Variants in NBPF11 observed in about 807,000 individuals in gnomAD.
The protein encoded by NBPF11 is NBPF member 11, also known as NBPF family member NBPF11.
Under a neutral mutation model 93.9 loss-of-function variants are expected in NBPF11, and 72 were observed. The observed-to-expected ratio is 0.77, with a 90% CI of 0.63 to 0.93. NBPF11 has a LOEUF of 0.93. NBPF11 is among the 40% of genes least tolerant of loss of function. NBPF11 has a pLI of 0.00. For missense variants in NBPF11, 705 were observed against 802.2 expected, an observed-to-expected ratio of 0.88 and a Z score of 1.46; for synonymous variants, 224 against 304.9, an observed-to-expected ratio of 0.73 and a Z score of 2.76.
At chr1:148,114,872 G>A (rs1379937412) in intron 14 of NBPF11, among the ~76,000 whole-genome samples, 3 of 151,484 alleles carry the variant, frequency 2.0e-5, no homozygotes, top group Non-Finnish European at 2.9e-5. Flanking sequence ...CATGAAACAC[G>A]ACTGATAGAT....
At chr1:148,137,135 T>C (rs1288523013) in intron 3 of NBPF11, among the ~76,000 whole-genome samples, 3 of 151,992 alleles carry the variant, frequency 2.0e-5, no homozygotes, top group Non-Finnish European at 4.4e-5. Context: ...GCCAGTTATA[T>C]GACTTTAAGA....
chr1:148,146,629 A>T (rs1673145086), intron 1 of NBPF11: 10 of 1,611,190 alleles, frequency 6.2e-6, no homozygotes. Context: ...CTTCCAGTAC[A>T]GCCAGCGCGA....
chr1:148,113,366 A>G (rs1400822833), intron 15 of NBPF11, among the ~76,000 whole-genome samples: 48 of 152,002 alleles, frequency 3.2e-4, no homozygotes, highest in South Asian at 1.5e-3. Flanking sequence ...ATCAAAAGAG[A>G]CAAAGAAGGC....
intron 4 of NBPF11, among the ~76,000 whole-genome samples, chr1:148,129,342 C>T (rs1485833256): frequency 3.4e-5 from 5 of 148,218 alleles, no homozygotes; most frequent in South Asian, 2.1e-4. Flanking sequence ...TTTTAAGTGG[C>T]GGAGCGAGGG....
intron 10 of NBPF11, among the ~76,000 whole-genome samples, chr1:148,119,637 C>T (rs1476761225): frequency 6.6e-6 from 1 of 152,024 alleles, no homozygotes; most frequent in East Asian, 1.9e-4. Context: ...CTACTCTCTG[C>T]TTTTTATTCT....
At chr1:148,114,811 G>T (rs1468807997) in intron 14 of NBPF11, among the ~76,000 whole-genome samples, 1 of 149,582 alleles carries the variant, frequency 6.7e-6, no homozygotes, top group Admixed American at 6.7e-5. Flanking sequence ...GCTGCAATAC[G>T]GACTTATATC....
In NBPF11 at chr1:148,125,585, G is replaced by A. The variant is rs1668925373; in HGVS notation, c.176-584C>T. Among the ~76,000 whole-genome samples, 7 of 152,144 alleles carry A rather than the reference G, an allele frequency of 4.6e-5. No individual in the cohort carries two copies. The South Asian group carries it at 1.2e-3, about 27-fold the overall frequency. On this transcript the variant is annotated intron_variant, in intron 5 of 23. Coordinates refer to ENST00000682118, the MANE Select transcript of NBPF11 (RefSeq NM_001385469.3). ...AAATACTTTATTAGTATGAGAGGCAGCATTAAGATTTAGATTAGTTGTGTT... is the reference window on the plus strand; with the variant it reads ...AAATACTTTATTAGTATGAGAGGCAACATTAAGATTTAGATTAGTTGTGTT...
chr1:148,122,949 G>C (rs1321847253), intron 7 of NBPF11, 148 bp from the exon 8 acceptor site: 26 of 1,303,486 alleles, frequency 2.0e-5, no homozygotes, highest in Middle Eastern at 5.2e-4. Context: ...AAATGCCCTG[G>C]CATGGTTTCC....
rs1445794411 is a variant in NBPF11, at chr1:148,103,762, G to C, written c.*134C>G. The stretch of plus-strand genomic sequence containing the variant: ...TATTGTCCATGTCAAGGGCAAAGCT[G>C]ATGTGCTGTTCCTCAAATGAGTAAA... On this transcript the variant is annotated 3_prime_UTR_variant, in exon 24 of 24. Transcript: ENST00000682118. 1 of 1,611,812 alleles carries C rather than the reference G, an allele frequency of 6.2e-7. No homozygotes were observed. Among genetic ancestry groups the C allele is most frequent in the African/African-American group, 1.3e-5 (1 of 74,874 alleles).
At chr1:148,137,373 TCAGTCCCCCACAAACA>T (rs1671481095) in intron 3 of NBPF11, among the ~76,000 whole-genome samples, 1 of 148,566 alleles carries the variant, frequency 6.7e-6, no homozygotes, top group Non-Finnish European at 1.5e-5. Flanking sequence ...AAAAGGGCCC[TCAGTCCCCCACAAACA>T]AGAATAGGAA....
At chr1:148,138,781 C>T (rs1237797088) in intron 2 of NBPF11, among the ~76,000 whole-genome samples, 1 of 151,876 alleles carries the variant, frequency 6.6e-6, no homozygotes, top group Non-Finnish European at 1.5e-5. Context: ...CAGTAACAAT[C>T]TGATCTCTCT....
rs782529642 is a variant in NBPF11, at chr1:148,108,524, C to T, written c.1984G>A (p.Val662Ile). 3.9e-4 allele frequency: 629 copies of T among 1,600,422 alleles called. 9 individuals carry two copies. The African/African-American group carries it at 6.8e-3, about 17-fold the overall frequency. ...AAGCCAATACGCTGTTGCTCCAATA[C>T]GTAAAAGGCACTTCTGTAGGGCTGG... ...SCQPYRSAFY[V>I]LEQQRIGLAV... Residue 662 changes from valine (V) to isoleucine (I), a missense_variant, in exon 18 of 24, where the codon GTA (valine) becomes ATA (isoleucine). Val to Ile is a conservative substitution (Grantham distance 29, BLOSUM62 3). This residue lies in a region of NBPF11 where 97 missense variants were observed against 65.0 expected (regional missense o/e 1.49). Coordinates refer to ENST00000682118, the MANE Select transcript of NBPF11 (RefSeq NM_001385469.3).
chr1:148,122,034 C>A (rs1667991908), intron 9 of NBPF11, 21 bp downstream of exon 9: 13 of 1,546,428 alleles, frequency 8.4e-6, no homozygotes, highest in Non-Finnish European at 1.2e-5. Context: ...AGGTATGAGA[C>A]ACAAGGAAAA....
chr1:148,118,510 T>C (rs1312578546), intron 11 of NBPF11, 110 bp downstream of exon 11: 12 of 881,602 alleles, frequency 1.4e-5, no homozygotes, highest in Non-Finnish European at 2.3e-5. Context: ...GCCATGGCAA[T>C]TCCTGCCCTT....
intron 11 of NBPF11, 87 bp downstream of exon 11, chr1:148,118,533 C>T (rs1667095925): frequency 1.6e-6 from 2 of 1,239,460 alleles, no homozygotes; most frequent in African/African-American, 1.5e-5. Flanking sequence ...CCTGGCCCAG[C>T]TTAGCTCTTA....
At position 148,124,080 on chromosome 1, in the gene NBPF11, G is replaced by T; in HGVS notation, c.279-13C>A. ...GACTTTATATTGCCTAAGGTGAGACGGTAGAGAAAATTTAACAGTGAAAAG... is the reference window on the plus strand; with the variant it reads ...GACTTTATATTGCCTAAGGTGAGACTGTAGAGAAAATTTAACAGTGAAAAG... On this transcript the variant is annotated splice_polypyrimidine_tract_variant and intron_variant, in intron 6 of 23. Coordinates refer to ENST00000682118, the MANE Select transcript of NBPF11 (RefSeq NM_001385469.3). The T allele has an allele frequency of 6.2e-7, 1 of 1,606,090 alleles. No homozygotes were observed. Among genetic ancestry groups the T allele is most frequent in the Non-Finnish European group, 8.5e-7 (1 of 1,174,970 alleles).
intron 16 of NBPF11, 101 bp downstream of exon 16, chr1:148,110,277 A>T (rs1664935009): frequency 6.7e-7 from 1 of 1,498,962 alleles, no homozygotes; most frequent in East Asian, 2.3e-5. Flanking sequence ...GCCCACAGTG[A>T]TGGCAACTCT....
intron 20 of NBPF11, among the ~76,000 whole-genome samples, chr1:148,106,476 T>C (rs1430176011): frequency 7.0e-6 from 1 of 142,174 alleles, no homozygotes; most frequent in Non-Finnish European, 1.5e-5. Context: ...CCCAAGTTTG[T>C]GCAAACAGTT....
At chr1:148,131,473 A>T (rs1259856022) in intron 4 of NBPF11, among the ~76,000 whole-genome samples, 1 of 151,674 alleles carries the variant, frequency 6.6e-6, no homozygotes, top group African/African-American at 2.4e-5. Context: ...GTTCCAGAGG[A>T]AGGTCTTTAG....
Sources: allele counts gnomAD v4.1 joint callset (sites outside exome capture counted in the v4.1 genomes callset), GRCh38; gene constraint gnomAD v4.1.1; regional missense constraint gnomAD v4.1.1; transcripts MANE v1.5; gene names NCBI Gene and HGNC (gene_info 2026-07-23, HGNC 2026-07-21).